The following TM6SF2 variants were observed in gnomAD, a reference collection of about 807,000 sequenced individuals.
TM6SF2 encodes the protein transmembrane 6 superfamily member 2.
Under a neutral mutation model 41.0 loss-of-function variants are expected in TM6SF2, and 29 were observed. The observed-to-expected ratio is 0.71, with a 90% CI of 0.53 to 0.96. The LOEUF (loss-of-function observed/expected upper bound fraction) is 0.96. Ranked by LOEUF, TM6SF2 falls within the 50% of genes least tolerant of loss-of-function variation. The pLI is 0.00. For synonymous variants in TM6SF2, 200 were observed against 209.1 expected, an observed-to-expected ratio of 0.96 and a Z score of 0.37; for missense variants, 475 against 499.0, an observed-to-expected ratio of 0.95 and a Z score of 0.46.
At chr19:19,273,061 T>TGGCCCCCCCCCCCCCCCC in intron 1 of TM6SF2, 60 bp downstream of exon 1, 3 of 305,466 alleles carry the variant, frequency 9.8e-6, no homozygotes, top group East Asian at 8.6e-5. Context: ...CCTCCAGTCC[T>TGGCCCCCCCCCCCCCCCC]CCCCGCCCCC....
intron 1 of TM6SF2, among the ~76,000 whole-genome samples, chr19:19,271,703 G>A (rs2061024629): frequency 1.3e-5 from 2 of 152,080 alleles, no homozygotes; most frequent in African/African-American, 2.4e-5. Context: ...GCTAATTTTT[G>A]TATTTTTAGT....
chr19:19,265,521 T>C (rs2061000756), intron 9 of TM6SF2, among the ~76,000 whole-genome samples: 1 of 152,046 alleles, frequency 6.6e-6, no homozygotes, highest in East Asian at 1.9e-4. Context: ...TGGGCTCAAG[T>C]GATCCTCCAA....
In TM6SF2 at chr19:19,273,108, T is replaced by C. The variant is rs781510146; in HGVS notation, c.95+13A>G. The C allele has an allele frequency of 9.1e-4, 706 of 772,274 alleles. 1 individual carries two copies. The highest frequency in any genetic ancestry group is 1.0e-3 in the Non-Finnish European group (650 of 629,602). 47.8% of individuals were successfully genotyped at this position (772,274 alleles called of 1,614,324 possible). The stretch of plus-strand genomic sequence containing the variant: ...CTGTCCCCAAGGCCGCCCTGGCCCC[T>C]CTCCGCACGCACTGCGAGAGCGCCG... On this transcript the variant is annotated intron_variant, in intron 1 of 9. Coordinates refer to ENST00000389363, the MANE Select transcript of TM6SF2 (RefSeq NM_001001524.3).
intron 5 of TM6SF2, among the ~76,000 whole-genome samples, chr19:19,269,222 G>T (rs1180060955): frequency 6.6e-6 from 1 of 152,156 alleles, no homozygotes; most frequent in East Asian, 1.9e-4. Flanking sequence ...ATACTCCTTA[G>T]CCTAGCCTGC....
In TM6SF2 at chr19:19,267,632, G is replaced by A. The variant is rs563703231; in HGVS notation, c.793C>T (p.Pro265Ser). Residue 265 changes from proline to serine, a missense_variant, in exon 8 of 10, where the codon CCT (proline) becomes TCT (serine). This residue lies in a region of TM6SF2 where 190 missense variants were observed against 190.2 expected (regional missense o/e 1.00). Transcript: ENST00000389363. ...EPYLRDPVAYPKVQMLMYMFY... is the reference protein window; with the variant it reads ...EPYLRDPVAYSKVQMLMYMFY... ...CGCTCCCCTCTCACCTGCACCTTAG[G>A]GTAGGCCACAGGGTCCCGCAGGTAT... The A allele has an allele frequency of 2.5e-6, 4 of 1,613,460 alleles. No homozygotes were observed. The South Asian group carries it at 3.3e-5, about 13-fold the overall frequency.
chr19:19,268,521 T>G, intron 6 of TM6SF2, 109 bp downstream of exon 6: 1 of 1,439,640 alleles, frequency 6.9e-7, no homozygotes, highest in South Asian at 1.5e-5. Flanking sequence ...CCTTCTTTCT[T>G]GTGACAAAGG....
chr19:19,265,843 C>T (rs1040356508), intron 9 of TM6SF2, among the ~76,000 whole-genome samples: 5 of 152,174 alleles, frequency 3.3e-5, no homozygotes, highest in Admixed American at 6.5e-5. Context: ...CCATCTCTCT[C>T]TGACCTGGCT....
chr19:19,270,377 C>T lies in TM6SF2; in HGVS notation c.265G>A (p.Val89Met). 3 of 1,614,130 alleles carry T rather than the reference C, an allele frequency of 1.9e-6. No individual in the cohort carries two copies. Among genetic ancestry groups the T allele is most frequent in the Non-Finnish European group, 2.5e-6 (3 of 1,179,996 alleles). The change falls in exon 3 of 10, where the codon GTG becomes ATG. Residue 89 changes from valine to methionine, a missense_variant. Around this residue, in one of 3 missense-constraint regions of TM6SF2, gnomAD observed 238 missense variants for 228.6 expected, o/e 1.04. Transcript: ENST00000389363. ...LIIALQEDSY[V>M]VGFMEFYTKE... ...GTGTAGAACTCCATGAAGCCCACCA[C>T]ATAGCTGTCTTCCTGAAGAGCGATG... is the stretch of plus-strand genomic sequence containing the variant.
chr19:19,265,532 T>C (rs2061000779), intron 9 of TM6SF2, among the ~76,000 whole-genome samples: 1 of 152,024 alleles, frequency 6.6e-6, no homozygotes, highest in Non-Finnish European at 1.5e-5. Flanking sequence ...GATCCTCCAA[T>C]CTCAGCCTCC....
At chr19:19,273,061 T>TCCCC in intron 1 of TM6SF2, 60 bp downstream of exon 1, 5 of 305,468 alleles carry the variant, frequency 1.6e-5, no homozygotes, top group Admixed American at 1.2e-4. Flanking sequence ...CCTCCAGTCC[T>TCCCC]CCCCGCCCCC....
In TM6SF2 at chr19:19,270,440, A is replaced by G. The variant is rs765124011; in HGVS notation, c.202T>C (p.Phe68Leu). The stretch of plus-strand genomic sequence containing the variant: ...ACCGAGGTGAAGGCGAAGACAGCGA[A>G]GACTGCAGTGAGTGGGCGGGCCGGG... ...EVSYDPLYAV[F>L]AVFAFTSVVD... The change falls in exon 3 of 10, where the codon TTC (phenylalanine) becomes CTC (leucine). Residue 68 changes from phenylalanine to leucine, a missense_variant and splice_region_variant. Phe to Leu is a conservative substitution (Grantham distance 22). This residue lies in a region of TM6SF2 where 238 missense variants were observed against 228.6 expected (regional missense o/e 1.04). Coordinates refer to ENST00000389363, the MANE Select transcript of TM6SF2 (RefSeq NM_001001524.3). 1.9e-6 allele frequency: 3 copies of G among 1,607,402 alleles called. No homozygotes were observed. The highest frequency in any genetic ancestry group is 2.5e-6 in the Non-Finnish European group (3 of 1,176,864).
chr19:19,268,487 C>T, intron 6 of TM6SF2, 143 bp downstream of exon 6: 1 of 1,265,604 alleles, frequency 7.9e-7, no homozygotes, highest in African/African-American at 1.6e-5. Flanking sequence ...GGATTACAGG[C>T]ATGAGCCACC....
chr19:19,270,007 T>C, intron 4 of TM6SF2, 166 bp downstream of exon 4: 1 of 1,503,214 alleles, frequency 6.7e-7, no homozygotes, highest in Non-Finnish European at 8.9e-7. Flanking sequence ...CACCTACACC[T>C]GAGACGTTCC....
chr19:19,266,966 CACAT>C lies in TM6SF2; in HGVS notation c.805-361_805-358del, dbSNP rs1218527080. Among the ~76,000 whole-genome samples, 22 of 152,282 alleles carry C rather than the reference CACAT, an allele frequency of 1.4e-4. No individual in the cohort carries two copies. The South Asian group carries it at 4.4e-3, about 30-fold the overall frequency. The stretch of plus-strand genomic sequence containing the variant: ...CTTAAGCTCGGGGGTAATAAGGGCT[CACAT>C]TGCTCTGGGGTGGCTGAGTGGGGTG... On this transcript the variant is annotated intron_variant, in intron 8 of 9. Coordinates refer to ENST00000389363, the MANE Select transcript of TM6SF2 (RefSeq NM_001001524.3).
At chr19:19,265,458 G>T (rs775674052) in intron 9 of TM6SF2, among the ~76,000 whole-genome samples, 1 of 150,860 alleles carries the variant, frequency 6.6e-6, no homozygotes, top group Non-Finnish European at 1.5e-5. Flanking sequence ...TTGCTCTGTT[G>T]GCCAGGCTGG....
chr19:19,272,770 T>C (rs2061029064), intron 1 of TM6SF2, among the ~76,000 whole-genome samples: 1 of 151,172 alleles, frequency 6.6e-6, no homozygotes, highest in South Asian at 2.1e-4. Context: ...GGGACAATAC[T>C]TTTACCCTTG....
chr19:19,267,499 G>A, intron 8 of TM6SF2, 122 bp downstream of exon 8: 3 of 663,152 alleles, frequency 4.5e-6, no homozygotes, highest in South Asian at 4.7e-5. Flanking sequence ...TTTTTTGGTA[G>A]GACAGTAAAT....
chr19:19,273,144 G>A lies in TM6SF2; in HGVS notation c.72C>T (p.Leu24=), dbSNP rs1190373636. 3.4e-6 allele frequency: 5 copies of A among 1,487,020 alleles called. No individual in the cohort carries two copies. The highest frequency in any genetic ancestry group is 4.4e-6 in the Non-Finnish European group (5 of 1,125,132). The allele number at this position is 1,487,020 out of a possible 1,614,324, so 92.1% of individuals were successfully genotyped here. A position where few individuals can be genotyped will look rare whatever the true frequency, so the allele number is the denominator to read the frequency against. The change falls in exon 1 of 10, where the codon CTC becomes CTT. Residue 24 remains leucine (L), a synonymous_variant. Coordinates refer to ENST00000389363, the MANE Select transcript of TM6SF2 (RefSeq NM_001001524.3). The part of the protein sequence containing the change: ...SLSALPVSYA[L]NHVSALSHPL... ...ACTGCGAGAGCGCCGAGACGTGGTTGAGCGCGTAGGACACCGGGAGGGCGC... is the reference window on the plus strand; with the variant it reads ...ACTGCGAGAGCGCCGAGACGTGGTTAAGCGCGTAGGACACCGGGAGGGCGC...
Position 19,273,172 on chromosome 19 carries a change from A to G in TM6SF2, c.44T>C (p.Leu15Pro). Reference sequence around the variant, plus strand: ...CGCGTAGGACACCGGGAGGGCGCTCAGCGACAGCGCCGCGATCTTGCCGGC... The same window carrying G: ...CGCGTAGGACACCGGGAGGGCGCTCGGCGACAGCGCCGCGATCTTGCCGGC... The part of the protein sequence containing the change: ...PLAGKIAALS[L>P]SALPVSYALN... The change falls in exon 1 of 10, where the codon CTG becomes CCG. Residue 15 changes from leucine to proline, a missense_variant. By Grantham distance (98) the Leu-to-Pro change is moderately conservative (BLOSUM62 -3). Transcript: ENST00000389363. 6.8e-7 allele frequency: 1 copy of G among 1,475,084 alleles called. No individual in the cohort carries two copies. The highest frequency in any genetic ancestry group is 8.9e-7 in the Non-Finnish European group (1 of 1,119,086). 91.4% of individuals were successfully genotyped at this position (1,475,084 alleles called of 1,614,324 possible).
Sources: allele counts gnomAD v4.1 joint callset (sites outside exome capture counted in the v4.1 genomes callset), GRCh38; gene constraint gnomAD v4.1.1; regional missense constraint gnomAD v4.1.1; transcripts MANE v1.5; gene names NCBI Gene and HGNC (gene_info 2026-07-23, HGNC 2026-07-21).